The following RAPGEF2 variants were observed in gnomAD, a reference collection of about 807,000 sequenced individuals.
The protein encoded by RAPGEF2 is Rap guanine nucleotide exchange factor 2.
A neutral mutation model predicts 186.7 loss-of-function variants in RAPGEF2; 54 were observed. The ratio of observed to expected loss-of-function variants is 0.29; its 90% CI spans 0.23 to 0.36. The LOEUF (loss-of-function observed/expected upper bound fraction) is 0.36. Among genes scored for constraint, RAPGEF2 ranks in the 10% least tolerant of loss-of-function variants. The pLI is 1.00. For missense variants in RAPGEF2, 1,532 were observed against 2,045.0 expected (o/e 0.75, Z 4.84); for synonymous variants, 712 against 705.9 (o/e 1.01, Z -0.14).
chr4:159,211,248 G>A (rs931883429), intron 4 of RAPGEF2, among the ~76,000 whole-genome samples: 1 of 152,098 alleles, frequency 6.6e-6, no homozygotes, highest in African/African-American at 2.4e-5. Flanking sequence ...GTATTCCTCT[G>A]TTCCAACCAG....
intron 1 of RAPGEF2, among the ~76,000 whole-genome samples, chr4:159,127,682 C>T (rs1183825792): frequency 6.6e-6 from 1 of 152,166 alleles, no homozygotes; most frequent in East Asian, 1.9e-4. Context: ...AATACCTTAG[C>T]ATTCCTTAAA....
intron 7 of RAPGEF2, among the ~76,000 whole-genome samples, chr4:159,257,405 A>T (rs1290177234): frequency 2.6e-5 from 4 of 152,274 alleles, no homozygotes; most frequent in East Asian, 3.9e-4. Flanking sequence ...TCCCGTCTTT[A>T]AAACCATCAA....
chr4:159,356,241 A>C lies in RAPGEF2; in HGVS notation c.4957+83A>C. ...TTCCCAAGGCATTTCTGTTCTCTTA[A>C]CACTGCAGTCAGCTATGTCTAACCA... On this transcript the variant is annotated intron_variant, in intron 29 of 29. Coordinates refer to ENST00000691494, the MANE Select transcript of RAPGEF2 (RefSeq NM_001394067.2). 4.4e-6 allele frequency: 6 copies of C among 1,363,612 alleles called. No individual in the cohort carries two copies. In the South Asian group the frequency reaches 5.5e-5, roughly 13 times the overall value. 84.5% of individuals were successfully genotyped at this position (1,363,612 alleles called of 1,614,324 possible).
chr4:159,295,193 T>C (rs1168259503), intron 7 of RAPGEF2, among the ~76,000 whole-genome samples: 2 of 152,212 alleles, frequency 1.3e-5, no homozygotes, highest in African/African-American at 4.8e-5. Flanking sequence ...GATGAAATAC[T>C]ACCCAGAGCA....
At chr4:159,124,900 G>A (rs1423694129) in intron 1 of RAPGEF2, among the ~76,000 whole-genome samples, 1 of 152,158 alleles carries the variant, frequency 6.6e-6, no homozygotes, top group Non-Finnish European at 1.5e-5. Context: ...TTGTTCATCT[G>A]TTAATGTTCA....
chr4:159,115,353 T>C (rs1738932367), intron 1 of RAPGEF2, among the ~76,000 whole-genome samples: 1 of 152,216 alleles, frequency 6.6e-6, no homozygotes, highest in Non-Finnish European at 1.5e-5. Context: ...AAACTTTTGC[T>C]GGTATTTGAT....
intron 1 of RAPGEF2, among the ~76,000 whole-genome samples, chr4:159,116,510 A>G (rs1264104601): frequency 6.6e-6 from 1 of 152,206 alleles, no homozygotes; most frequent in South Asian, 2.1e-4. Context: ...GTGATTCCTC[A>G]AAGACCTAGA....
chr4:159,317,074 G>A (rs1204317261), intron 9 of RAPGEF2, among the ~76,000 whole-genome samples: 1 of 152,154 alleles, frequency 6.6e-6, no homozygotes, highest in East Asian at 1.9e-4. Context: ...AATTGATAAA[G>A]GATGGTGTGG....
chr4:159,136,666 T>G (rs1420864677), intron 1 of RAPGEF2, among the ~76,000 whole-genome samples: 1 of 152,206 alleles, frequency 6.6e-6, no homozygotes, highest in East Asian at 1.9e-4. Flanking sequence ...TAATGTTGAA[T>G]ATGTTGAATT....
intron 2 of RAPGEF2, among the ~76,000 whole-genome samples, 159 bp from the exon 3 acceptor site, chr4:159,193,041 C>T (rs895595964): frequency 6.6e-6 from 1 of 152,054 alleles, no homozygotes; most frequent in Non-Finnish European, 1.5e-5. Context: ...ATTTTATTAA[C>T]CCAGGTATTA....
Position 159,314,616 on chromosome 4 carries a change from T to C in RAPGEF2, c.701T>C (p.Met234Thr), listed in dbSNP as rs768936058. 5.6e-6 allele frequency: 9 copies of C among 1,613,106 alleles called. No homozygotes were observed. The highest frequency in any genetic ancestry group is 4.5e-5 in the East Asian group (2 of 44,842). Reference protein sequence around the residue: ...YQATESEAGDMDLSGLPETAV... With the variant: ...YQATESEAGDTDLSGLPETAV... ...GCCACAGAAAGCGAGGCTGGTGATATGGACCTGAGTGGGTTGCCAGAAACA... is the reference window on the plus strand; with the variant it reads ...GCCACAGAAAGCGAGGCTGGTGATACGGACCTGAGTGGGTTGCCAGAAACA... The change falls in exon 9 of 30, where the codon ATG becomes ACG. Residue 234 changes from methionine (M) to threonine (T), a missense_variant. Physicochemically the swap from Met to Thr is moderately conservative, Grantham distance 81 (BLOSUM62 -1). Coordinates refer to ENST00000691494, the MANE Select transcript of RAPGEF2 (RefSeq NM_001394067.2).
intron 7 of RAPGEF2, among the ~76,000 whole-genome samples, chr4:159,288,826 C>T (rs775004842): frequency 6.6e-6 from 1 of 152,170 alleles, no homozygotes; most frequent in Non-Finnish European, 1.5e-5. Flanking sequence ...GTTTATCCCA[C>T]CTGAAGGTCT....
At chr4:159,193,313 A>C (rs1405173583) in intron 3 of RAPGEF2, 57 bp downstream of exon 3, 3 of 1,117,396 alleles carry the variant, frequency 2.7e-6, no homozygotes, top group Non-Finnish European at 3.6e-6. Flanking sequence ...AAATTTTCTT[A>C]AAGTATCAAA....
chr4:159,127,610 A>G (rs1269389802), intron 1 of RAPGEF2, among the ~76,000 whole-genome samples: 2 of 152,152 alleles, frequency 1.3e-5, no homozygotes, highest in African/African-American at 4.8e-5. Flanking sequence ...TCATTTTTAA[A>G]CTGCAGAATT....
intron 17 of RAPGEF2, among the ~76,000 whole-genome samples, chr4:159,338,095 A>C (rs935837872): frequency 1.2e-4 from 18 of 151,642 alleles, no homozygotes; most frequent in African/African-American, 3.7e-4. Flanking sequence ...ATATCTAAAA[A>C]CAAACAAACA....
intron 7 of RAPGEF2, among the ~76,000 whole-genome samples, chr4:159,258,232 A>T (rs1240032375): frequency 6.6e-6 from 1 of 152,242 alleles, no homozygotes; most frequent in East Asian, 1.9e-4. Flanking sequence ...GCTGCTAAAG[A>T]GAGGGAGAAA....
chr4:159,323,663 A>G, intron 11 of RAPGEF2, 46 bp downstream of exon 11: 14 of 1,164,454 alleles, frequency 1.2e-5, no homozygotes, highest in Non-Finnish European at 1.6e-5. Context: ...CTTAATAAAG[A>G]ACACTTATAT....
At chr4:159,146,854 G>A (rs1048659698) in intron 1 of RAPGEF2, among the ~76,000 whole-genome samples, 1 of 152,156 alleles carries the variant, frequency 6.6e-6, no homozygotes, top group African/African-American at 2.4e-5. Context: ...ATTCAAGGAA[G>A]GAAAGACCTC....
intron 1 of RAPGEF2, among the ~76,000 whole-genome samples, chr4:159,119,135 G>T (rs1560980773): frequency 6.6e-6 from 1 of 152,130 alleles, no homozygotes; most frequent in Admixed American, 6.5e-5. Context: ...TTAACTCCAG[G>T]CTTATTTTTT....
Sources: gnomAD v4.1 joint callset for allele counts (sites outside exome capture counted in the v4.1 genomes callset) on GRCh38, gnomAD v4.1.1 for gene constraint, MANE v1.5 for transcripts, NCBI Gene and HGNC (gene_info 2026-07-23, HGNC 2026-07-21) for gene names.